JAZF1: variants seen among roughly 807,000 people sequenced by gnomAD.
The protein encoded by JAZF1 is JAZF zinc finger 1, also known as juxtaposed with another zinc finger protein 1.
JAZF1 carries 8 observed loss-of-function variants against 26.4 expected under a neutral mutation model. That is an observed-to-expected ratio of 0.30 (90% CI 0.18 to 0.55). The LOEUF is 0.55. Among genes scored for constraint, JAZF1 ranks in the 20% least tolerant of loss-of-function variants. JAZF1 has a pLI of 0.94. For synonymous variants in JAZF1, 126 were observed against 122.3 expected, an observed-to-expected ratio of 1.03 and a Z score of -0.20; for missense variants, 199 against 322.0, an observed-to-expected ratio of 0.62 and a Z score of 2.92.
At chr7:28,170,432 T>C (rs1783444409) in intron 1 of JAZF1, among the ~76,000 whole-genome samples, 2 of 150,658 alleles carry the variant, frequency 1.3e-5, no homozygotes, top group African/African-American at 4.9e-5. Flanking sequence ...GGGTTAGGTA[T>C]TGTGTTTGTC....
intron 2 of JAZF1, among the ~76,000 whole-genome samples, chr7:27,979,541 A>G (rs1376893306): frequency 6.6e-6 from 1 of 151,958 alleles, no homozygotes; most frequent in African/African-American, 2.4e-5. Flanking sequence ...GGTGTGAGCC[A>G]CTGTGCCTAG....
chr7:28,180,606 C>T lies in JAZF1; in HGVS notation c.-29G>A, dbSNP rs920927349. 8.0e-6 allele frequency: 11 copies of T among 1,379,468 alleles called. No individual in the cohort carries two copies. Among genetic ancestry groups the T allele is most frequent in the Middle Eastern group, 2.2e-4 (1 of 4,648 alleles). 85.5% of individuals were successfully genotyped at this position (1,379,468 alleles called of 1,614,324 possible). A position where few individuals can be genotyped will look rare whatever the true frequency, so the allele number is the denominator to read the frequency against. On this transcript the variant is annotated 5_prime_UTR_variant, in exon 1 of 5. Coordinates refer to ENST00000283928, the MANE Select transcript of JAZF1 (RefSeq NM_175061.4). The stretch of plus-strand genomic sequence containing the variant: ...GCTACATCGAGAGCCCCCCTGGTGT[C>T]GGCTCTGCGAGCGCCGGGCGGGCGA...
chr7:28,049,849 C>T (rs1783580746), intron 1 of JAZF1, among the ~76,000 whole-genome samples: 1 of 152,116 alleles, frequency 6.6e-6, no homozygotes, highest in Admixed American at 6.6e-5. Context: ...CCGAGCACAC[C>T]ACCATCCCAG....
chr7:28,004,165 A>G (rs1024473648), intron 1 of JAZF1, among the ~76,000 whole-genome samples: 22 of 152,164 alleles, frequency 1.4e-4, no homozygotes, highest in African/African-American at 4.6e-4. Flanking sequence ...TGATTTAAGT[A>G]CCTGGACTTT....
At chr7:27,899,693 T>C (rs956587037) in intron 2 of JAZF1, among the ~76,000 whole-genome samples, 15 of 152,012 alleles carry the variant, frequency 9.9e-5, no homozygotes, top group Admixed American at 4.6e-4. Context: ...CCCAAAGTGT[T>C]AGGATTATAG....
intron 1 of JAZF1, among the ~76,000 whole-genome samples, chr7:28,149,359 G>C (rs1783073602): frequency 6.6e-6 from 1 of 152,120 alleles, no homozygotes; most frequent in Admixed American, 6.5e-5. Flanking sequence ...GACGTCCATG[G>C]AGAAAGAAAG....
At position 27,840,794 on chromosome 7, in the gene JAZF1, G is replaced by A. The variant is rs989952051; in HGVS notation, c.459C>T (p.Ala153=). The stretch of plus-strand genomic sequence containing the variant: ...AGCTGAGGATGGCTTCGGAGCTGAT[G>A]GCACTCTCTGTGGTCCAGGACTCAT... ...DSDESWTTES[A]ISSEAILSSM... Residue 153 remains alanine (A), a synonymous_variant, in exon 4 of 5, where the codon GCC becomes GCT. Transcript: ENST00000283928. This position sits in a 1 kb window ranked among gnomAD's most constrained non-coding sequence, Gnocchi z 5.1. 2 of 1,614,058 alleles carry A rather than the reference G, an allele frequency of 1.2e-6. No homozygotes were observed. The highest frequency in any genetic ancestry group is 2.7e-5 in the African/African-American group (2 of 74,918).
intron 2 of JAZF1, among the ~76,000 whole-genome samples, chr7:27,943,385 G>A (rs1191877079): frequency 6.6e-6 from 1 of 152,110 alleles, no homozygotes; most frequent in Non-Finnish European, 1.5e-5. Context: ...AGACGCCTCC[G>A]CTGCTAGCTG....
At chr7:27,943,454 G>C (rs771496429) in intron 2 of JAZF1, among the ~76,000 whole-genome samples, 3 of 152,130 alleles carry the variant, frequency 2.0e-5, no homozygotes, top group Non-Finnish European at 2.9e-5. Flanking sequence ...AGACTGATCC[G>C]GGGAGATGTG....
chr7:28,007,750 A>C (rs1264008720), intron 1 of JAZF1, among the ~76,000 whole-genome samples: 2 of 152,174 alleles, frequency 1.3e-5, no homozygotes, highest in East Asian at 3.8e-4. Flanking sequence ...CCCTTTTTTA[A>C]AAAGACTTAA....
intron 1 of JAZF1, chr7:28,071,771 A>G (rs1377371128): frequency 7.6e-6 from 3 of 394,170 alleles, no homozygotes; most frequent in African/African-American, 2.1e-5. Flanking sequence ...AAAAAGTGCA[A>G]ATTTGCAGAG....
intron 1 of JAZF1, among the ~76,000 whole-genome samples, chr7:28,115,466 G>A (rs889137179): frequency 6.6e-6 from 1 of 151,940 alleles, no homozygotes; most frequent in African/African-American, 2.4e-5. Flanking sequence ...CTACCATAAC[G>A]GACAGCACAA....
chr7:28,098,104 T>C (rs1471687860), intron 1 of JAZF1, among the ~76,000 whole-genome samples: 1 of 152,136 alleles, frequency 6.6e-6, no homozygotes, highest in Non-Finnish European at 1.5e-5. Flanking sequence ...CGCAATGTGA[T>C]GATATTTGGA....
intron 2 of JAZF1, chr7:27,914,821 G>GC (rs1454211833): frequency 2.1e-6 from 1 of 470,992 alleles, no homozygotes; most frequent in Non-Finnish European, 4.4e-6. Flanking sequence ...ACAGGAAACA[G>GC]CCTTCTGGAT....
intron 1 of JAZF1, among the ~76,000 whole-genome samples, chr7:27,998,063 A>AGGCAGGCAGGC (rs1562553947): frequency 8.3e-5 from 6 of 72,186 alleles, no homozygotes; most frequent in Non-Finnish European, 2.0e-4. Flanking sequence ...GGAAGGAAGG[A>AGGCAGGCAGGC]AGGAAGGAAG....
intron 1 of JAZF1, among the ~76,000 whole-genome samples, chr7:28,140,078 C>T (rs144822091): frequency 8.2e-6 from 1 of 122,450 alleles, no homozygotes; most frequent in East Asian, 2.9e-4. Flanking sequence ...TTGAAAGTCA[C>T]AAATCTTTTT....
chr7:27,897,361 G>C (rs1268502459), intron 2 of JAZF1, among the ~76,000 whole-genome samples: 1 of 152,176 alleles, frequency 6.6e-6, no homozygotes, highest in Non-Finnish European at 1.5e-5. Flanking sequence ...ATCCTGGCTG[G>C]GTTATTATGT....
chr7:27,880,024 A>G (rs934977886), intron 3 of JAZF1, among the ~76,000 whole-genome samples: 1 of 152,232 alleles, frequency 6.6e-6, no homozygotes, highest in African/African-American at 2.4e-5. Flanking sequence ...GTTAGATGCT[A>G]TTTTTAAGAG....
At position 27,832,918 on chromosome 7, in the gene JAZF1, C is replaced by T. The variant is rs752230152; in HGVS notation, c.614G>A (p.Arg205His). The change falls in exon 5 of 5, where the codon CGC becomes CAC. Residue 205 changes from arginine (R) to histidine (H), a missense_variant. Arg to His is a conservative substitution (Grantham distance 29). This residue lies in a region of JAZF1 where 62 missense variants were observed against 137.2 expected (regional missense o/e 0.45). Coordinates refer to ENST00000283928, the MANE Select transcript of JAZF1 (RefSeq NM_175061.4). ...CCCACAGCGACACTTGAATGGTTTG[C>T]GGACACGAATCTGTGTTCTGTGACC... is the stretch of plus-strand genomic sequence containing the variant. ...KNGHRTQIRV[R>H]KPFKCRCGKS... The T allele has an allele frequency of 9.9e-6, 16 of 1,612,748 alleles. No homozygotes were observed. The highest frequency in any genetic ancestry group is 5.0e-5 in the Admixed American group (3 of 59,730).
Sources: gnomAD v4.1 joint callset for allele counts (sites outside exome capture counted in the v4.1 genomes callset) on GRCh38, gnomAD v4.1.1 for gene constraint, gnomAD v4.1.1 regional missense constraint, Gnocchi (gnomAD v3.1) non-coding constraint, MANE v1.5 for transcripts, NCBI Gene and HGNC (gene_info 2026-07-23, HGNC 2026-07-21) for gene names.